FHIT: variants seen among roughly 807,000 people sequenced by gnomAD.
FHIT encodes fragile histidine triad diadenosine triphosphatase.
A neutral mutation model predicts 17.9 loss-of-function variants in FHIT; 19 were observed. The ratio of observed to expected loss-of-function variants is 1.06; its 90% CI spans 0.74 to 1.56. The LOEUF (loss-of-function observed/expected upper bound fraction) is 1.56, where lower values mean the gene tolerates loss of function less well. FHIT is among the 40% of genes most tolerant of loss of function. FHIT has a pLI of 0.00. For synonymous variants in FHIT, 81 were observed against 69.7 expected, an observed-to-expected ratio of 1.16 and a Z score of -0.81; for missense variants, 248 against 189.2, an observed-to-expected ratio of 1.31 and a Z score of -1.82.
At chr3:60,920,266 T>C (rs915221931) in intron 3 of FHIT, among the ~76,000 whole-genome samples, 3 of 152,110 alleles carry the variant, frequency 2.0e-5, no homozygotes, top group African/African-American at 7.2e-5. Flanking sequence ...GGGAGGGTCA[T>C]GTGAGCTGCC....
rs57588436 is a variant in FHIT at position 60,356,753 on chromosome 3, CAAAAAAAAAAAA to C, written c.103+180095_103+180106del. Reference sequence around the variant, plus strand: ...CTATTATATAGCAGGAAGACAGAGACAAAAAAAAAAAAAAAAAAAAAAAAAAACGGAAGAAAG... The same window carrying C: ...CTATTATATAGCAGGAAGACAGAGACAAAAAAAAAAAAAAACGGAAGAAAG... On this transcript the variant is annotated intron_variant, in intron 5 of 9. Transcript: ENST00000492590. Among the ~76,000 whole-genome samples the C allele has an allele frequency of 1.4e-3, 83 of 58,680 alleles. 1 individual carries two copies. The highest frequency in any genetic ancestry group is 5.6e-3 in the African/African-American group (69 of 12,432). 38.5% of individuals were successfully genotyped at this position (58,680 alleles called of 152,430 possible).
chr3:60,990,295 C>T (rs6775530), intron 3 of FHIT, among the ~76,000 whole-genome samples: 3,196 of 152,234 alleles, frequency 0.021, 112 homozygotes, highest in African/African-American at 0.073. Context: ...GGTCTGCAGC[C>T]TCCAAATGCC....
chr3:60,699,183 C>A (rs1218867764), intron 4 of FHIT, among the ~76,000 whole-genome samples: 1 of 152,064 alleles, frequency 6.6e-6, no homozygotes, highest in Non-Finnish European at 1.5e-5. Flanking sequence ...AGATTTACAG[C>A]TTTTTCCACT....
chr3:60,041,565 TA>T, intron 5 of FHIT, among the ~76,000 whole-genome samples: 1 of 152,224 alleles, frequency 6.6e-6, no homozygotes, highest in Middle Eastern at 3.4e-3. Flanking sequence ...GCCTGCAACA[TA>T]TGGTCTTTAT....
At chr3:59,853,630 T>C (rs1448752318) in intron 8 of FHIT, among the ~76,000 whole-genome samples, 1 of 152,200 alleles carries the variant, frequency 6.6e-6, no homozygotes, top group African/African-American at 2.4e-5. Flanking sequence ...GAATTTATAG[T>C]TTCCAGATTG....
intron 7 of FHIT, among the ~76,000 whole-genome samples, chr3:59,939,193 G>C (rs12496762): frequency 0.076 from 11,633 of 152,220 alleles, 667 homozygotes; most frequent in South Asian, 0.12. Flanking sequence ...AATTGATCAT[G>C]TTTCTTTTTC....
intron 5 of FHIT, among the ~76,000 whole-genome samples, chr3:60,252,839 C>CA (rs529236133): frequency 5.1e-4 from 76 of 148,124 alleles, no homozygotes; most frequent in Non-Finnish European, 7.9e-4. Context: ...AAAAAAAATA[C>CA]AAAAAAAAAT....
At chr3:60,683,131 T>G (rs2040789325) in intron 4 of FHIT, among the ~76,000 whole-genome samples, 1 of 152,228 alleles carries the variant, frequency 6.6e-6, no homozygotes, top group Non-Finnish European at 1.5e-5. Flanking sequence ...AAGGATTTCT[T>G]GAGGTAAAAT....
intron 5 of FHIT, among the ~76,000 whole-genome samples, chr3:60,097,650 CTCTT>C (rs559020196): frequency 2.0e-5 from 3 of 151,872 alleles, no homozygotes; most frequent in South Asian, 4.2e-4. Context: ...ATTATAATTC[CTCTT>C]TCTGATTTTC....
At chr3:60,708,922 C>T (rs187189783) in intron 4 of FHIT, among the ~76,000 whole-genome samples, 53 of 152,284 alleles carry the variant, frequency 3.5e-4, no homozygotes, top group African/African-American at 1.1e-3. Context: ...CTTCTTCAAC[C>T]ACAAATTATT....
At chr3:60,378,054 T>C (rs1298755406) in intron 5 of FHIT, among the ~76,000 whole-genome samples, 1 of 151,756 alleles carries the variant, frequency 6.6e-6, no homozygotes, top group Non-Finnish European at 1.5e-5. Flanking sequence ...TGAGACAGAG[T>C]CTCACCCTGT....
chr3:60,892,538 A>G (rs1705573617), intron 3 of FHIT, among the ~76,000 whole-genome samples: 1 of 152,182 alleles, frequency 6.6e-6, no homozygotes, highest in South Asian at 2.1e-4. Flanking sequence ...AACTCCTGCT[A>G]TTACTCTGCT....
intron 4 of FHIT, among the ~76,000 whole-genome samples, chr3:60,592,763 G>C (rs1559564707): frequency 6.6e-6 from 1 of 152,142 alleles, no homozygotes; most frequent in Non-Finnish European, 1.5e-5. Flanking sequence ...CAGGCTCCCA[G>C]AAGAAACAGA....
intron 3 of FHIT, among the ~76,000 whole-genome samples, chr3:60,907,155 C>A (rs1706470756): frequency 6.6e-6 from 1 of 151,948 alleles, no homozygotes; most frequent in East Asian, 1.9e-4. Flanking sequence ...CAAAAAAAAA[C>A]CTTAAAAATG....
At chr3:60,301,958 G>A (rs1708473914) in intron 5 of FHIT, among the ~76,000 whole-genome samples, 1 of 151,268 alleles carries the variant, frequency 6.6e-6, no homozygotes, top group Non-Finnish European at 1.5e-5. Flanking sequence ...CTTATAAAAG[G>A]AAAAAAAAGT....
In FHIT at chr3:61,116,182, G is replaced by A. The variant is rs148060168; in HGVS notation, c.-163-74083C>T. ...AAAAGCAAATGATCCTCGGGTCTTG[G>A]TGGTGCCATCTTAAGTTTCCCTCTG... On this transcript the variant is annotated intron_variant, in intron 2 of 9. Coordinates refer to ENST00000492590, the MANE Select transcript of FHIT (RefSeq NM_002012.4). 2.6e-5 allele frequency among the ~76,000 whole-genome samples: 4 copies of A among 151,978 alleles called. No individual in the cohort carries two copies. In the South Asian group the frequency reaches 6.3e-4, roughly 24 times the overall value.
At position 60,564,918 on chromosome 3, in the gene FHIT, A is replaced by G. The variant is rs191383178; in HGVS notation, c.-17-27939T>C. ...TTTAAAATAAGTTCTACTATGAGTA[A>G]AATGCTATTAAATAGCATTACATTC... On this transcript the variant is annotated intron_variant, in intron 4 of 9. Transcript: ENST00000492590. Among the ~76,000 whole-genome samples the G allele has an allele frequency of 1.3e-3, 192 of 152,282 alleles. 1 individual carries two copies. The highest frequency in any genetic ancestry group is 4.5e-3 in the African/African-American group (187 of 41,568).
chr3:60,301,894 A>C (rs1708471611), intron 5 of FHIT, among the ~76,000 whole-genome samples: 1 of 152,132 alleles, frequency 6.6e-6, no homozygotes, highest in South Asian at 2.1e-4. Flanking sequence ...AATTTTAAAA[A>C]CACACATTAA....
At chr3:59,906,347 T>C (rs914242609) in intron 8 of FHIT, among the ~76,000 whole-genome samples, 2 of 152,200 alleles carry the variant, frequency 1.3e-5, no homozygotes, top group African/African-American at 4.8e-5. Context: ...CCCTTAAAAA[T>C]CCTAAAATTA....
Sources: allele counts gnomAD v4.1 joint callset (sites outside exome capture counted in the v4.1 genomes callset), GRCh38; gene constraint gnomAD v4.1.1; transcripts MANE v1.5; gene names NCBI Gene and HGNC (gene_info 2026-07-23, HGNC 2026-07-21).